The following RILPL1 variants were observed in gnomAD, a reference collection of about 807,000 sequenced individuals.
RILPL1 encodes the protein Rab interacting lysosomal protein like 1.
In RILPL1, 33 loss-of-function variants were observed where a neutral mutation model predicts 50.3. The observed-to-expected ratio is 0.66, with a 90% confidence interval of 0.50 to 0.88. RILPL1 has a LOEUF of 0.88. RILPL1 is among the 40% of genes least tolerant of loss of function. The pLI, the probability that RILPL1 is intolerant of heterozygous loss-of-function variation, is 0.00. For synonymous variants in RILPL1, 205 were observed against 228.6 expected, an observed-to-expected ratio of 0.90 and a Z score of 0.93; for missense variants, 418 against 542.5, an observed-to-expected ratio of 0.77 and a Z score of 2.28.
In RILPL1 at chr12:123,528,566, C is replaced by T. The variant is rs61953542; in HGVS notation, c.309+4608G>A. 9.8e-4 allele frequency among the ~76,000 whole-genome samples: 148 copies of T among 151,534 alleles called. 1 individual carries two copies. Among genetic ancestry groups the T allele is most frequent in the South Asian group, 4.6e-3 (22 of 4,772 alleles). ...CCTCAGCCTCCGAAGTAGCTGGGAC[C>T]ACAGGCGCCCGCCACCACGCCCGGC... On this transcript the variant is annotated intron_variant, in intron 1 of 6. Transcript: ENST00000376874.
chr12:123,472,900 T>A (rs1881299253), intron 6 of RILPL1: 1 of 537,554 alleles, frequency 1.9e-6, no homozygotes, highest in African/African-American at 1.9e-5. Context: ...GGTCACGCGG[T>A]ATGGGCAAGG....
At chr12:123,528,944 A>C (rs1885359281) in intron 1 of RILPL1, among the ~76,000 whole-genome samples, 1 of 152,022 alleles carries the variant, frequency 6.6e-6, no homozygotes, top group Admixed American at 6.6e-5. Context: ...TTCTTCCCTC[A>C]GCACCAAGAG....
chr12:123,500,087 C>T (rs760789811), intron 2 of RILPL1, among the ~76,000 whole-genome samples: 5 of 151,932 alleles, frequency 3.3e-5, no homozygotes, highest in African/African-American at 4.8e-5. Context: ...CCCACCACCA[C>T]GCCCGGCTAA....
chr12:123,485,729 C>A lies in RILPL1; in HGVS notation c.878G>T (p.Arg293Leu). The A allele has an allele frequency of 1.2e-6, 2 of 1,613,302 alleles. No individual in the cohort carries two copies. Among genetic ancestry groups the A allele is most frequent in the Non-Finnish European group, 1.7e-6 (2 of 1,179,630 alleles). ...AMDLKDPNRP[R>L]FTLQELRDVL... is the part of the protein sequence containing the mutation. Reference sequence around the variant, plus strand: ...GTCCCGCAGCTCCTGCAGGGTGAACCGGGGGCGGTTGGGGTCCTTGAGATC... The same window carrying A: ...GTCCCGCAGCTCCTGCAGGGTGAACAGGGGGCGGTTGGGGTCCTTGAGATC... Residue 293 changes from arginine to leucine, a missense_variant, in exon 5 of 7, where the codon CGG becomes CTG. Physicochemically the swap from Arg to Leu is moderately radical, Grantham distance 102 (BLOSUM62 -2). Coordinates refer to ENST00000376874, the MANE Select transcript of RILPL1 (RefSeq NM_178314.5). This position sits in a 1 kb window ranked among gnomAD's most constrained non-coding sequence, Gnocchi z 4.0.
At chr12:123,484,465 CCT>C (rs1882198562) in intron 5 of RILPL1, among the ~76,000 whole-genome samples, 193 bp from the exon 6 acceptor site, 1 of 152,110 alleles carries the variant, frequency 6.6e-6, no homozygotes, top group African/African-American at 2.4e-5. Flanking sequence ...CACAGGCTTC[CCT>C]GTCGCTACAC....
At chr12:123,515,248 A>C (rs1884619613) in intron 2 of RILPL1, 1 of 152,072 alleles carries the variant, frequency 6.6e-6, no homozygotes, top group South Asian at 2.1e-4. Flanking sequence ...ACATAATTTT[A>C]ATTTATAAAA....
At chr12:123,508,501 T>C (rs945699410) in intron 2 of RILPL1, among the ~76,000 whole-genome samples, 3 of 152,210 alleles carry the variant, frequency 2.0e-5, no homozygotes, top group Non-Finnish European at 4.4e-5. Flanking sequence ...TATGATTCCA[T>C]GTATATGAAG....
intron 1 of RILPL1, among the ~76,000 whole-genome samples, chr12:123,529,887 A>AAAAAG (rs71088928): frequency 2.7e-5 from 4 of 149,946 alleles, no homozygotes; most frequent in Admixed American, 1.3e-4. Flanking sequence ...AAAAAAAAAA[A>AAAAAG]GGAGAAAAAA....
intron 6 of RILPL1, among the ~76,000 whole-genome samples, chr12:123,476,785 G>C (rs146553425): frequency 6.6e-6 from 1 of 152,338 alleles, no homozygotes; most frequent in African/African-American, 2.4e-5. Context: ...TGAAGCCCCT[G>C]AGTCTGCAGT....
chr12:123,500,141 A>G (rs952018428), intron 2 of RILPL1, among the ~76,000 whole-genome samples: 53 of 152,048 alleles, frequency 3.5e-4, no homozygotes, highest in African/African-American at 1.2e-3. Context: ...CGTGTTAGCC[A>G]GGATGGTCTC....
chr12:123,503,402 C>T (rs1418537301), intron 2 of RILPL1, among the ~76,000 whole-genome samples: 2 of 151,124 alleles, frequency 1.3e-5, no homozygotes, highest in Admixed American at 6.6e-5. Context: ...GGTTTCACCA[C>T]GTTGGCCAGG....
intron 1 of RILPL1, among the ~76,000 whole-genome samples, chr12:123,524,138 C>T (rs1885167733): frequency 6.6e-6 from 1 of 152,230 alleles, no homozygotes; most frequent in African/African-American, 2.4e-5. Context: ...TCCATGGGGT[C>T]TTCAACCACT....
chr12:123,512,038 TTGTG>T (rs1309900705), intron 2 of RILPL1, among the ~76,000 whole-genome samples: 6 of 94,736 alleles, frequency 6.3e-5, no homozygotes, highest in Non-Finnish European at 1.1e-4. Flanking sequence ...TGTGTGAGGT[TTGTG>T]TGTGTGAGGT....
At chr12:123,519,859 G>T (rs1320708472) in intron 2 of RILPL1, 1 of 152,284 alleles carries the variant, frequency 6.6e-6, no homozygotes, top group Non-Finnish European at 1.5e-5. Context: ...GTGTGTCTCA[G>T]ATTGCTCACG....
rs1423723371 is a variant in RILPL1, at chr12:123,484,200, C to T, written c.1047G>A (p.Pro349=). Residue 349 remains proline, a synonymous_variant, in exon 6 of 7, where the codon CCG becomes CCA. Transcript: ENST00000376874. Reference sequence around the variant, plus strand: ...CTTACAGTCGCTTGATGCCCGACTCCGGCTGGGGGGACGTCCTCGGGTGGG... The same window carrying T: ...CTTACAGTCGCTTGATGCCCGACTCTGGCTGGGGGGACGTCCTCGGGTGGG... ...PIAHPRTSPQ[P]ESGIKRLFSF... 21 of 1,558,418 alleles carry T rather than the reference C, an allele frequency of 1.3e-5. No homozygotes were observed. The highest frequency in any genetic ancestry group is 1.2e-4 in the East Asian group (5 of 43,406).
At position 123,532,561 on chromosome 12, in the gene RILPL1, T is replaced by C. The variant is rs145450506; in HGVS notation, c.309+613A>G. 8.6e-5 allele frequency among the ~76,000 whole-genome samples: 13 copies of C among 152,042 alleles called. No homozygotes were observed. In the East Asian group the frequency reaches 2.5e-3, roughly 29 times the overall value. On this transcript the variant is annotated intron_variant, in intron 1 of 6. Transcript: ENST00000376874. Reference sequence around the variant, plus strand: ...TATAGAGTCCTGTGAGGATTAAGGATAAAATCAGAGGAGAGAACACGGGCT... The same window carrying C: ...TATAGAGTCCTGTGAGGATTAAGGACAAAATCAGAGGAGAGAACACGGGCT...
At chr12:123,523,918 T>C (rs563554425) in intron 1 of RILPL1, among the ~76,000 whole-genome samples, 32 of 152,380 alleles carry the variant, frequency 2.1e-4, no homozygotes, top group African/African-American at 7.7e-4. Context: ...ATGCCGCATC[T>C]TGGAGCTCTC....
At chr12:123,494,584 G>A (rs1370120375) in intron 4 of RILPL1, among the ~76,000 whole-genome samples, 2 of 152,164 alleles carry the variant, frequency 1.3e-5, no homozygotes, top group African/African-American at 2.4e-5. Flanking sequence ...CTGGCCAGGA[G>A]ACCAGCCTGA....
intron 2 of RILPL1, among the ~76,000 whole-genome samples, chr12:123,506,152 A>C (rs1379348648): frequency 2.0e-5 from 3 of 152,206 alleles, no homozygotes; most frequent in African/African-American, 7.2e-5. Context: ...CTCTCAGGGC[A>C]GGGGTCATTT....
Sources: gnomAD v4.1 joint callset for allele counts (sites outside exome capture counted in the v4.1 genomes callset) on GRCh38, gnomAD v4.1.1 for gene constraint, Gnocchi (gnomAD v3.1) non-coding constraint, MANE v1.5 for transcripts, NCBI Gene and HGNC (gene_info 2026-07-23, HGNC 2026-07-21) for gene names.